Variants in SYN2 observed in about 807,000 individuals in gnomAD.
SYN2 encodes synapsin-2.
A neutral mutation model predicts 50.9 loss-of-function variants in SYN2; 19 were observed. That is an observed-to-expected ratio of 0.37 (90% CI 0.26 to 0.55). The LOEUF (loss-of-function observed/expected upper bound fraction) is 0.55. SYN2 is among the 20% of genes least tolerant of loss of function. The pLI, the probability that SYN2 is intolerant of heterozygous loss-of-function variation, is 0.81. For missense variants in SYN2, 587 were observed against 576.4 expected, an observed-to-expected ratio of 1.02 and a Z score of -0.19; for synonymous variants, 255 against 224.9, an observed-to-expected ratio of 1.13 and a Z score of -1.20.
intron 1 of SYN2, among the ~76,000 whole-genome samples, chr3:12,100,416 A>C (rs745711491): frequency 3.6e-4 from 55 of 152,222 alleles, no homozygotes; most frequent in Non-Finnish European, 6.5e-4. Flanking sequence ...GTGCTGGGGC[A>C]ACTGCATATT....
chr3:12,057,887 C>G (rs1695029406), intron 1 of SYN2, among the ~76,000 whole-genome samples: 1 of 152,136 alleles, frequency 6.6e-6, no homozygotes, highest in Non-Finnish European at 1.5e-5. Flanking sequence ...ATACTCGAAA[C>G]ATAGTCTTTA....
At chr3:12,063,580 A>T (rs1003668435) in intron 1 of SYN2, among the ~76,000 whole-genome samples, 2 of 152,070 alleles carry the variant, frequency 1.3e-5, no homozygotes, top group African/African-American at 4.8e-5. Context: ...TAATCCATGT[A>T]ATAATGGATT....
intron 1 of SYN2, among the ~76,000 whole-genome samples, chr3:12,101,547 A>G (rs1696076327): frequency 6.6e-6 from 1 of 152,200 alleles, no homozygotes; most frequent in Non-Finnish European, 1.5e-5. Context: ...TAAAATTTCT[A>G]GAATTAGATA....
intron 1 of SYN2, among the ~76,000 whole-genome samples, chr3:12,013,790 G>T (rs545584589): frequency 2.2e-4 from 33 of 152,258 alleles, no homozygotes; most frequent in African/African-American, 7.5e-4. Flanking sequence ...CCTATAGGTA[G>T]TTTATGGCCC....
chr3:12,083,997 T>C (rs896341287), intron 1 of SYN2, among the ~76,000 whole-genome samples: 2 of 152,184 alleles, frequency 1.3e-5, no homozygotes, highest in African/African-American at 4.8e-5. Context: ...TGTTCAGACA[T>C]GTCTCTCCCC....
chr3:12,146,449 A>G (rs1051063492), intron 4 of SYN2, among the ~76,000 whole-genome samples: 4 of 152,238 alleles, frequency 2.6e-5, no homozygotes, highest in African/African-American at 9.6e-5. Flanking sequence ...GAAGGAAAGT[A>G]AGGTGTAGAA....
chr3:12,176,270 G>A (rs1218916297), intron 10 of SYN2, among the ~76,000 whole-genome samples: 1 of 152,242 alleles, frequency 6.6e-6, no homozygotes, highest in East Asian at 1.9e-4. Context: ...TTCAGGCCAT[G>A]CCAGTAAAGA....
At chr3:12,068,291 A>C (rs922962763) in intron 1 of SYN2, among the ~76,000 whole-genome samples, 1 of 152,152 alleles carries the variant, frequency 6.6e-6, no homozygotes, top group Admixed American at 6.5e-5. Flanking sequence ...ATTTTTCCTT[A>C]GAATGTTGAA....
chr3:12,185,230 G>A (rs767046209), intron 11 of SYN2: 125 of 985,796 alleles, frequency 1.3e-4, no homozygotes, highest in Non-Finnish European at 1.5e-4. Context: ...ATAGAATAAA[G>A]TAACATTTCC....
At chr3:12,114,127 T>A (rs1696381270) in intron 1 of SYN2, among the ~76,000 whole-genome samples, 1 of 152,108 alleles carries the variant, frequency 6.6e-6, no homozygotes. Flanking sequence ...TTTTTTTTTT[T>A]TTATTGTAGC....
chr3:12,011,992 G>T (rs1435706421), intron 1 of SYN2, among the ~76,000 whole-genome samples: 1 of 152,054 alleles, frequency 6.6e-6, no homozygotes, highest in African/African-American at 2.4e-5. Context: ...GATCTACCTT[G>T]GTTCCTTTTT....
intron 1 of SYN2, among the ~76,000 whole-genome samples, chr3:12,090,135 T>G (rs1695795492): frequency 6.6e-6 from 1 of 152,194 alleles, no homozygotes; most frequent in Non-Finnish European, 1.5e-5. Flanking sequence ...TTTTGAACTT[T>G]TTTTTCTTTT....
At chr3:12,088,037 C>T (rs553899031) in intron 1 of SYN2, among the ~76,000 whole-genome samples, 19 of 152,074 alleles carry the variant, frequency 1.2e-4, no homozygotes, top group Non-Finnish European at 1.9e-4. Context: ...ACCCCAGAAG[C>T]GCAGGCAACA....
intron 1 of SYN2, among the ~76,000 whole-genome samples, chr3:12,007,413 C>T (rs532925848): frequency 6.6e-6 from 1 of 151,872 alleles, no homozygotes; most frequent in Non-Finnish European, 1.5e-5. Flanking sequence ...GTCAAAAAAT[C>T]TCAGTTAAAA....
At chr3:12,057,796 A>G (rs1329421843) in intron 1 of SYN2, among the ~76,000 whole-genome samples, 1 of 152,240 alleles carries the variant, frequency 6.6e-6, no homozygotes, top group African/African-American at 2.4e-5. Context: ...GAAAAAATAT[A>G]GTGGAAATAC....
chr3:12,053,284 G>T (rs1485853399), intron 1 of SYN2, among the ~76,000 whole-genome samples: 2 of 152,212 alleles, frequency 1.3e-5, no homozygotes, highest in East Asian at 3.9e-4. Context: ...AGCCAGGCAT[G>T]GTGGTGGGTG....
chr3:12,158,708 C>T (rs1486134524), intron 5 of SYN2: 9 of 1,610,340 alleles, frequency 5.6e-6, no homozygotes, highest in Non-Finnish European at 7.6e-6. Context: ...TCACCAAGTG[C>T]CGAGTGGCAG....
At chr3:12,100,451 A>G (rs1220208742) in intron 1 of SYN2, among the ~76,000 whole-genome samples, 1 of 152,144 alleles carries the variant, frequency 6.6e-6, no homozygotes, top group African/African-American at 2.4e-5. Flanking sequence ...TGAGATTGGA[A>G]CCCTATCTCA....
intron 1 of SYN2, among the ~76,000 whole-genome samples, chr3:12,128,752 C>A (rs1696726104): frequency 6.6e-6 from 1 of 152,084 alleles, no homozygotes; most frequent in African/African-American, 2.4e-5. Flanking sequence ...TTGAAATGCT[C>A]TCCATTTCAA....
Sources: allele counts gnomAD v4.1 joint callset (sites outside exome capture counted in the v4.1 genomes callset), GRCh38; gene constraint gnomAD v4.1.1; transcripts MANE v1.5; gene names NCBI Gene and HGNC (gene_info 2026-07-23, HGNC 2026-07-21).